Variants in DUSP22 observed in about 807,000 individuals in gnomAD.
DUSP22 encodes dual specificity protein phosphatase 22.
In DUSP22, 24 loss-of-function variants were observed where a neutral mutation model predicts 24.5. That is an observed-to-expected ratio of 0.98 (90% CI 0.71 to 1.38). The LOEUF is 1.38. DUSP22 is among the 40% of genes most tolerant of loss of function. DUSP22 has a pLI of 0.00. For synonymous variants in DUSP22, 160 were observed against 106.4 expected, an observed-to-expected ratio of 1.50 and a Z score of -3.10; for missense variants, 330 against 269.2, an observed-to-expected ratio of 1.23 and a Z score of -1.58.
At chr6:324,927 C>A (rs199695836) in intron 3 of DUSP22, among the ~76,000 whole-genome samples, 1 of 152,310 alleles carries the variant, frequency 6.6e-6, no homozygotes, top group Non-Finnish European at 1.5e-5. Context: ...TTCCCAGCAG[C>A]GCTTCGTGCC....
chr6:324,786 T>G (rs752206856), intron 3 of DUSP22, among the ~76,000 whole-genome samples: 8 of 152,296 alleles, frequency 5.3e-5, no homozygotes, highest in Non-Finnish European at 1.0e-4. Context: ...TGCTGCAGAT[T>G]GTGTCCAAGC....
rs1760098511 is a variant in DUSP22, at chr6:349,768, T to C, written c.*817T>C. 15 of 985,854 alleles carry C rather than the reference T, an allele frequency of 1.5e-5. No homozygotes were observed. Among genetic ancestry groups the C allele is most frequent in the African/African-American group, 3.5e-5 (2 of 57,282 alleles). The allele number at this position is 985,854 out of a possible 1,614,324, so 61.1% of individuals were successfully genotyped here. ...CCCTAGCGCCTTGAGTCAAGGCCAC[T>C]TTTCAGCCCATCGAGCCCTGAGTTC... On this transcript the variant is annotated 3_prime_UTR_variant, in exon 7 of 7. Coordinates refer to ENST00000419235, the MANE Select transcript of DUSP22 (RefSeq NM_001286555.3).
intron 3 of DUSP22, among the ~76,000 whole-genome samples, chr6:332,892 A>C (rs1472060784): frequency 2.0e-5 from 3 of 152,296 alleles, no homozygotes; most frequent in African/African-American, 7.2e-5. Flanking sequence ...GTGGGAGGAA[A>C]GGATTTCACA....
At position 350,836 on chromosome 6, in the gene DUSP22, C is replaced by T. The variant is rs779618478; in HGVS notation, c.*1885C>T. ...TTTCTTCACAGCCGCTCCGGGAATTCTGAAGTTCTGGGCCTTTCTCAGAAG... is the reference window on the plus strand; with the variant it reads ...TTTCTTCACAGCCGCTCCGGGAATTTTGAAGTTCTGGGCCTTTCTCAGAAG... On this transcript the variant is annotated 3_prime_UTR_variant, in exon 7 of 7. Transcript: ENST00000419235. 3.1e-6 allele frequency: 5 copies of T among 1,614,154 alleles called. No individual in the cohort carries two copies. The highest frequency in any genetic ancestry group is 3.3e-5 in the Admixed American group (2 of 60,016).
chr6:311,747 T>C (rs1483394657), intron 2 of DUSP22, 133 bp from the exon 3 acceptor site: 2 of 942,856 alleles, frequency 2.1e-6, no homozygotes, highest in Non-Finnish European at 3.1e-6. Flanking sequence ...TTCCTACATG[T>C]ATGGTCAGTT....
chr6:349,388 C>T lies in DUSP22; in HGVS notation c.*437C>T, dbSNP rs1430893079. The T allele has an allele frequency of 2.9e-6, 3 of 1,023,336 alleles. No homozygotes were observed. Among genetic ancestry groups the T allele is most frequent in the Non-Finnish European group, 3.5e-6 (3 of 853,676 alleles). 63.4% of individuals were successfully genotyped at this position (1,023,336 alleles called of 1,614,324 possible). On this transcript the variant is annotated 3_prime_UTR_variant, in exon 7 of 7. Coordinates refer to ENST00000419235, the MANE Select transcript of DUSP22 (RefSeq NM_001286555.3). The stretch of plus-strand genomic sequence containing the variant: ...GCTGGAAGTCACAGAATTCATATTG[C>T]TGCCCGGGTTGGTGTGGCCACCTTT...
chr6:295,985 C>T (rs1757311231), intron 1 of DUSP22, among the ~76,000 whole-genome samples: 1 of 152,182 alleles, frequency 6.6e-6, no homozygotes, highest in Non-Finnish European at 1.5e-5. Flanking sequence ...AACCCAGTCT[C>T]CACTGATTTT....
intron 1 of DUSP22, 107 bp from the exon 2 acceptor site, chr6:304,521 G>A (rs1394614838): frequency 6.6e-7 from 1 of 1,510,512 alleles, no homozygotes; most frequent in East Asian, 2.3e-5. Flanking sequence ...CTGTACTGGG[G>A]AAGCACCTGG....
At chr6:343,769 G>A (rs996072350) in intron 4 of DUSP22, among the ~76,000 whole-genome samples, 5 of 152,302 alleles carry the variant, frequency 3.3e-5, no homozygotes, top group Non-Finnish European at 5.9e-5. Context: ...AGCACCTGCC[G>A]TGAGGTCGCT....
chr6:303,597 C>T (rs984574720), intron 1 of DUSP22, among the ~76,000 whole-genome samples: 13 of 152,414 alleles, frequency 8.5e-5, no homozygotes, highest in South Asian at 8.3e-4. Context: ...ACAGTGGGGG[C>T]GAGGCTAGGA....
At chr6:327,986 A>G (rs1758963783) in intron 3 of DUSP22, among the ~76,000 whole-genome samples, 1 of 152,302 alleles carries the variant, frequency 6.6e-6, no homozygotes, top group Admixed American at 6.5e-5. Context: ...CTTTGCAGAC[A>G]GAGAGGAGCC....
intron 2 of DUSP22, among the ~76,000 whole-genome samples, chr6:309,481 A>G (rs376157524): frequency 1.8e-4 from 28 of 152,422 alleles, no homozygotes; most frequent in Admixed American, 6.5e-4. Context: ...GAGCAATGAA[A>G]AGAGTCTTAA....
intron 1 of DUSP22, among the ~76,000 whole-genome samples, chr6:292,766 A>G (rs1479695117): frequency 6.6e-6 from 1 of 152,182 alleles, no homozygotes; most frequent in African/African-American, 2.4e-5. Context: ...GCTTCCGGGT[A>G]GGCAGCCCCC....
At chr6:336,754 G>A (rs546507092) in intron 4 of DUSP22, among the ~76,000 whole-genome samples, 2 of 152,424 alleles carry the variant, frequency 1.3e-5, no homozygotes, top group African/African-American at 4.8e-5. Context: ...GGAAAACAGA[G>A]TAGCACTCTA....
intron 3 of DUSP22, among the ~76,000 whole-genome samples, chr6:334,763 A>G (rs1489796608): frequency 6.6e-6 from 1 of 152,304 alleles, no homozygotes; most frequent in East Asian, 1.9e-4. Context: ...TAAATGAAAT[A>G]TATAAAAAAT....
intron 4 of DUSP22, among the ~76,000 whole-genome samples, chr6:344,543 G>A (rs1321876539): frequency 1.3e-5 from 2 of 152,290 alleles, no homozygotes; most frequent in Non-Finnish European, 2.9e-5. Flanking sequence ...GCCCACCTCA[G>A]CCTCTTCAAG....
chr6:297,738 G>A (rs1428357950), intron 1 of DUSP22, among the ~76,000 whole-genome samples: 1 of 152,304 alleles, frequency 6.6e-6, no homozygotes, highest in Non-Finnish European at 1.5e-5. Context: ...TGGAACTGGA[G>A]AGTTATCAAA....
At chr6:328,301 G>T (rs539253822) in intron 3 of DUSP22, among the ~76,000 whole-genome samples, 13 of 152,302 alleles carry the variant, frequency 8.5e-5, no homozygotes, top group African/African-American at 3.1e-4. Context: ...TCAGTGGTGA[G>T]ACGGAGCTAG....
At chr6:332,937 A>G (rs1759201855) in intron 3 of DUSP22, among the ~76,000 whole-genome samples, 1 of 152,292 alleles carries the variant, frequency 6.6e-6, no homozygotes, top group African/African-American at 2.4e-5. Context: ...ACTCTCACTT[A>G]AGAGTAAAAG....
Sources: allele counts gnomAD v4.1 joint callset (sites outside exome capture counted in the v4.1 genomes callset), GRCh38; gene constraint gnomAD v4.1.1; transcripts MANE v1.5; gene names NCBI Gene and HGNC (gene_info 2026-07-23, HGNC 2026-07-21).